DNAJB1: variants seen among roughly 807,000 people sequenced by gnomAD.
DNAJB1 encodes DnaJ heat shock protein family (Hsp40) member B1.
A neutral mutation model predicts 24.0 loss-of-function variants in DNAJB1; 14 were observed. The observed-to-expected ratio is 0.58, with a 90% CI of 0.39 to 0.91. The LOEUF (loss-of-function observed/expected upper bound fraction) is 0.91. Among genes scored for constraint, DNAJB1 ranks in the 40% least tolerant of loss-of-function variants. DNAJB1 has a pLI of 0.00. For synonymous variants in DNAJB1, 262 were observed against 174.4 expected (o/e 1.50, Z -3.96); for missense variants, 517 against 458.1 (o/e 1.13, Z -1.17).
At chr19:14,559,276 C>G (rs570119680) in intron 1 of DNAJB1, among the ~76,000 whole-genome samples, 1 of 152,098 alleles carries the variant, frequency 6.6e-6, no homozygotes, top group African/African-American at 2.4e-5. Flanking sequence ...ACCTCTGTCT[C>G]GTCCCAGAAC....
intron 1 of DNAJB1, among the ~76,000 whole-genome samples, chr19:14,548,581 C>CT (rs930721733): frequency 2.6e-5 from 4 of 152,038 alleles, no homozygotes; most frequent in African/African-American, 7.2e-5. Context: ...TCTGTCGTCT[C>CT]TTTTTTTTCT....
chr19:14,534,661 T>G (rs1050257283), upstream of DNAJB1, among the ~76,000 whole-genome samples: 2 of 152,106 alleles, frequency 1.3e-5, no homozygotes, highest in African/African-American at 4.8e-5. Context: ...GGTCTCGAAC[T>G]CCTGGGCTCA....
Position 14,514,938 on chromosome 19 carries a change from A to T in DNAJB1, c.*1002T>A, listed in dbSNP as rs540994337. The T allele has an allele frequency of 6.5e-6, 1 of 152,744 alleles. No homozygotes were observed. Among genetic ancestry groups the T allele is most frequent in the Non-Finnish European group, 1.5e-5 (1 of 68,064 alleles). The allele number at this position is 152,744 out of a possible 1,614,324, so 9.5% of individuals were successfully genotyped here. A position where few individuals can be genotyped will look rare whatever the true frequency, so the allele number is the denominator to read the frequency against. Reference sequence around the variant, plus strand: ...CCCCTTCCCTCCCCAAGATTTCTTCAGAATTCCATTATGGCCCTATACAGA... The same window carrying T: ...CCCCTTCCCTCCCCAAGATTTCTTCTGAATTCCATTATGGCCCTATACAGA... On this transcript the variant is annotated 3_prime_UTR_variant, in exon 3 of 3. Transcript: ENST00000254322.
intron 1 of DNAJB1, among the ~76,000 whole-genome samples, chr19:14,549,185 A>G (rs1167498541): frequency 6.7e-6 from 1 of 149,556 alleles, no homozygotes; most frequent in Non-Finnish European, 1.5e-5. Context: ...ACCTTCACAG[A>G]ATTATTTCCA....
intron 1 of DNAJB1, among the ~76,000 whole-genome samples, chr19:14,557,737 C>G (rs980605531): frequency 2.0e-5 from 3 of 150,004 alleles, no homozygotes; most frequent in Admixed American, 6.7e-5. Flanking sequence ...CAGGCATGAG[C>G]CACCGTGCCC....
chr19:14,555,449 T>TC (rs1221775933), intron 1 of DNAJB1, among the ~76,000 whole-genome samples: 1 of 137,584 alleles, frequency 7.3e-6, no homozygotes, highest in Non-Finnish European at 1.6e-5. Flanking sequence ...TTTTTTTTTT[T>TC]TTTTTTTTTT....
intron 1 of DNAJB1, chr19:14,517,914 G>T: frequency 2.3e-6 from 1 of 433,594 alleles, no homozygotes; most frequent in Non-Finnish European, 4.0e-6. Flanking sequence ...GGGAGGGGCA[G>T]CCCCAGACAT....
upstream of DNAJB1, among the ~76,000 whole-genome samples, chr19:14,551,565 C>T (rs759451968): frequency 3.3e-5 from 5 of 152,180 alleles, no homozygotes; most frequent in Admixed American, 6.5e-5. Context: ...ATTGAGGACG[C>T]GCCCCTGCTT....
At chr19:14,557,209 A>G (rs2073761833) in intron 1 of DNAJB1, among the ~76,000 whole-genome samples, 1 of 151,650 alleles carries the variant, frequency 6.6e-6, no homozygotes, top group South Asian at 2.1e-4. Flanking sequence ...GCATAAACTC[A>G]GCTCACTGCA....
chr19:14,551,853 C>T (rs1189158653), upstream of DNAJB1, among the ~76,000 whole-genome samples: 4 of 151,414 alleles, frequency 2.6e-5, no homozygotes, highest in African/African-American at 9.7e-5. Context: ...TGGTTTTACC[C>T]TTATTTCTTT....
chr19:14,549,027 C>G (rs922457312), intron 1 of DNAJB1, among the ~76,000 whole-genome samples: 1 of 150,972 alleles, frequency 6.6e-6, no homozygotes, highest in Admixed American at 6.6e-5. Flanking sequence ...TTTTTTTTTT[C>G]CATCCGCTTA....
At chr19:14,556,896 C>T (rs921884036) in intron 1 of DNAJB1, among the ~76,000 whole-genome samples, 6 of 152,106 alleles carry the variant, frequency 3.9e-5, no homozygotes, top group Non-Finnish European at 7.4e-5. Flanking sequence ...CGGGTCAGCT[C>T]GGCCTCTGCA....
chr19:14,549,403 G>A (rs1389305298), intron 1 of DNAJB1, among the ~76,000 whole-genome samples: 4 of 151,750 alleles, frequency 2.6e-5, no homozygotes, highest in South Asian at 4.2e-4. Context: ...CATAGAGATG[G>A]GGTTTCACCA....
chr19:14,518,021 G>T, intron 1 of DNAJB1, 118 bp downstream of exon 1: 1 of 1,139,048 alleles, frequency 8.8e-7, no homozygotes. Flanking sequence ...GGAGGGCGGG[G>T]CAGCTCGGCC....
At chr19:14,547,333 C>T (rs1316466562) in intron 1 of DNAJB1, among the ~76,000 whole-genome samples, 1 of 150,264 alleles carries the variant, frequency 6.7e-6, no homozygotes, top group East Asian at 1.9e-4. Flanking sequence ...CGTGAGCCAC[C>T]GTACCTGGCC....
chr19:14,520,483 G>A (rs757848023), upstream of DNAJB1, among the ~76,000 whole-genome samples: 6 of 151,970 alleles, frequency 3.9e-5, no homozygotes, highest in East Asian at 3.9e-4. Flanking sequence ...GCATCATGGC[G>A]GATAGTTACA....
At chr19:14,523,196 ACT>A (rs2072381932), upstream of DNAJB1, among the ~76,000 whole-genome samples, 1 of 151,958 alleles carries the variant, frequency 6.6e-6, no homozygotes, top group African/African-American at 2.4e-5. Context: ...ACAGAGCCAG[ACT>A]CTGTCTCGAA....
intron 1 of DNAJB1, among the ~76,000 whole-genome samples, chr19:14,539,972 C>T (rs1338397507): frequency 1.3e-5 from 2 of 151,850 alleles, no homozygotes; most frequent in African/African-American, 2.4e-5. Context: ...CTCCACCTCC[C>T]GGGTTCAAGT....
chr19:14,520,395 G>A (rs2072346398), upstream of DNAJB1, among the ~76,000 whole-genome samples: 1 of 152,104 alleles, frequency 6.6e-6, no homozygotes, highest in African/African-American at 2.4e-5. Flanking sequence ...AGCTATGATT[G>A]TGCCACTGCA....
Sources: allele counts gnomAD v4.1 joint callset (sites outside exome capture counted in the v4.1 genomes callset), GRCh38; gene constraint gnomAD v4.1.1; transcripts MANE v1.5; gene names NCBI Gene and HGNC (gene_info 2026-07-23, HGNC 2026-07-21).